ARHGAP42: variants seen among roughly 807,000 people sequenced by gnomAD.
The protein encoded by ARHGAP42 is Rho GTPase activating protein 42, also known as rho GTPase-activating protein 42.
Under a neutral mutation model 125.0 loss-of-function variants are expected in ARHGAP42, and 63 were observed. The observed-to-expected ratio is 0.50, with a 90% confidence interval of 0.41 to 0.62. The LOEUF (loss-of-function observed/expected upper bound fraction) is 0.62. Ranked by LOEUF, ARHGAP42 falls within the 20% of genes least tolerant of loss-of-function variation. The pLI, the probability that ARHGAP42 is intolerant of heterozygous loss-of-function variation, is 0.00. For missense variants in ARHGAP42, 766 were observed against 1,024.2 expected (o/e 0.75, Z 3.44); for synonymous variants, 339 against 351.0 (o/e 0.97, Z 0.38).
intron 5 of ARHGAP42, among the ~76,000 whole-genome samples, chr11:100,919,100 T>C (rs553205394): frequency 6.8e-6 from 1 of 147,196 alleles, no homozygotes; most frequent in South Asian, 2.2e-4. Flanking sequence ...CTAAGAGTGC[T>C]CTCCCAGTGG....
chr11:100,950,860 CATTTACTTT>C (rs1217776454), intron 12 of ARHGAP42, among the ~76,000 whole-genome samples: 1 of 151,956 alleles, frequency 6.6e-6, no homozygotes, highest in Non-Finnish European at 1.5e-5. Flanking sequence ...ATAACCCTGA[CATTTACTTT>C]TCTTATTTAT....
At chr11:100,751,773 C>CTTTT (rs757372755) in intron 1 of ARHGAP42, among the ~76,000 whole-genome samples, 8,034 of 84,280 alleles carry the variant, frequency 0.095, 1,341 homozygotes, top group Non-Finnish European at 0.12. Context: ...AGACAGGCAC[C>CTTTT]TTTTTTTTTT....
At chr11:100,742,558 A>G (rs1472944029) in intron 1 of ARHGAP42, among the ~76,000 whole-genome samples, 1 of 152,216 alleles carries the variant, frequency 6.6e-6, no homozygotes, top group African/African-American at 2.4e-5. Flanking sequence ...CAGTTAAATT[A>G]CTGAACTCTT....
intron 4 of ARHGAP42, among the ~76,000 whole-genome samples, chr11:100,880,557 C>T (rs965537934): frequency 4.6e-5 from 7 of 152,208 alleles, no homozygotes; most frequent in African/African-American, 7.2e-5. Context: ...CTACTACAAA[C>T]GTGTGTGTAA....
intron 4 of ARHGAP42, among the ~76,000 whole-genome samples, chr11:100,887,077 G>T (rs978385275): frequency 7.9e-5 from 12 of 152,150 alleles, no homozygotes; most frequent in African/African-American, 2.9e-4. Flanking sequence ...ATATTGGTAA[G>T]ATTCCAATAG....
chr11:100,830,161 A>G (rs752072182), intron 3 of ARHGAP42, among the ~76,000 whole-genome samples: 6 of 152,144 alleles, frequency 3.9e-5, no homozygotes, highest in Non-Finnish European at 8.8e-5. Context: ...ATATATCTCA[A>G]TTTTCAATAT....
Position 100,976,203 on chromosome 11 carries a change from C to T in ARHGAP42, c.2002C>T (p.Pro668Ser), listed in dbSNP as rs1858385205. 2 of 1,551,592 alleles carry T rather than the reference C, an allele frequency of 1.3e-6. No homozygotes were observed. The highest frequency in any genetic ancestry group is 1.7e-6 in the Non-Finnish European group (2 of 1,146,908). ...TGGAGGGATTCCTTGGATTGCAACC[C>T]CATCATCTTCCAATGGACAGAAAAG... Reference protein sequence around the residue: ...KSGGIPWIATPSSSNGQKSLG... With the variant: ...KSGGIPWIATSSSSNGQKSLG... The change falls in exon 20 of 24, where the codon CCA (proline) becomes TCA (serine). Residue 668 changes from proline (P) to serine (S), a missense_variant. Around this residue, in one of 3 missense-constraint regions of ARHGAP42, gnomAD observed 308 missense variants for 369.7 expected, o/e 0.83. Transcript: ENST00000298815.
At chr11:100,928,632 A>C (rs1182924438) in intron 6 of ARHGAP42, among the ~76,000 whole-genome samples, 7 of 152,184 alleles carry the variant, frequency 4.6e-5, no homozygotes, top group Non-Finnish European at 1.0e-4. Flanking sequence ...CATACCATAC[A>C]GACAACTCAT....
intron 1 of ARHGAP42, among the ~76,000 whole-genome samples, chr11:100,734,079 C>T (rs556159046): frequency 6.6e-6 from 1 of 150,874 alleles, no homozygotes; most frequent in Admixed American, 6.6e-5. Context: ...GGATTACAGG[C>T]ACCCACCAGC....
At chr11:100,849,525 G>A (rs1467435858) in intron 3 of ARHGAP42, among the ~76,000 whole-genome samples, 1 of 152,054 alleles carries the variant, frequency 6.6e-6, no homozygotes, top group East Asian at 1.9e-4. Flanking sequence ...TAACTTTTGG[G>A]TATTCATGGA....
intron 1 of ARHGAP42, among the ~76,000 whole-genome samples, chr11:100,763,327 A>G (rs969109778): frequency 6.6e-6 from 1 of 151,860 alleles, no homozygotes; most frequent in African/African-American, 2.4e-5. Flanking sequence ...CAGTTAGTTT[A>G]CATTTCTTTC....
intron 3 of ARHGAP42, among the ~76,000 whole-genome samples, chr11:100,834,276 A>G (rs1864729681): frequency 6.6e-6 from 1 of 152,204 alleles, no homozygotes; most frequent in Non-Finnish European, 1.5e-5. Context: ...GTCAATTCAT[A>G]TAGCTACTGT....
intron 3 of ARHGAP42, among the ~76,000 whole-genome samples, chr11:100,834,587 C>A (rs1365441227): frequency 6.6e-6 from 1 of 151,992 alleles, no homozygotes; most frequent in Non-Finnish European, 1.5e-5. Flanking sequence ...GGACTTAAAT[C>A]CTAAAGGCAA....
At chr11:100,970,468 A>T (rs879939643) in intron 17 of ARHGAP42, among the ~76,000 whole-genome samples, 5 of 151,908 alleles carry the variant, frequency 3.3e-5, no homozygotes, top group Non-Finnish European at 1.5e-5. Context: ...TGTCTGCTTC[A>T]TTTGGTATCA....
intron 4 of ARHGAP42, among the ~76,000 whole-genome samples, chr11:100,899,967 T>C (rs1016997267): frequency 6.6e-6 from 1 of 152,208 alleles, no homozygotes; most frequent in Non-Finnish European, 1.5e-5. Flanking sequence ...AGCTGGTTAT[T>C]TTGCCCATTG....
intron 16 of ARHGAP42, among the ~76,000 whole-genome samples, chr11:100,963,783 A>G (rs1390345492): frequency 6.6e-6 from 1 of 152,222 alleles, no homozygotes; most frequent in Non-Finnish European, 1.5e-5. Flanking sequence ...AACATGTACA[A>G]TGACCCTAAT....
intron 2 of ARHGAP42, among the ~76,000 whole-genome samples, chr11:100,786,322 T>C (rs1248417587): frequency 1.3e-5 from 2 of 152,186 alleles, no homozygotes; most frequent in Non-Finnish European, 2.9e-5. Context: ...ACTTATTGCA[T>C]TGACAAAAAT....
chr11:100,800,260 G>A (rs932240018), intron 3 of ARHGAP42, among the ~76,000 whole-genome samples: 4 of 152,126 alleles, frequency 2.6e-5, no homozygotes, highest in African/African-American at 7.2e-5. Flanking sequence ...AGCAATAATC[G>A]AGGCAGGAGG....
At chr11:100,797,927 A>G (rs193271492) in intron 3 of ARHGAP42, among the ~76,000 whole-genome samples, 3 of 152,318 alleles carry the variant, frequency 2.0e-5, no homozygotes, top group East Asian at 1.9e-4. Flanking sequence ...TAAAATATCA[A>G]CTGAAGTTTG....
Sources: gnomAD v4.1 joint callset for allele counts (sites outside exome capture counted in the v4.1 genomes callset) on GRCh38, gnomAD v4.1.1 for gene constraint, gnomAD v4.1.1 regional missense constraint, MANE v1.5 for transcripts, NCBI Gene and HGNC (gene_info 2026-07-23, HGNC 2026-07-21) for gene names.